Variants in HTR2C observed in about 807,000 individuals in gnomAD.
The protein encoded by HTR2C is 5-hydroxytryptamine (serotonin) receptor 2C, G protein-coupled.
HTR2C carries 5 observed loss-of-function variants against 21.0 expected under a neutral mutation model. The ratio of observed to expected loss-of-function variants is 0.24; its 90% CI spans 0.12 to 0.50. The LOEUF is 0.50. Among genes scored for constraint, HTR2C ranks in the 20% least tolerant of loss-of-function variants. HTR2C has a pLI of 0.98. For missense variants in HTR2C, 271 were observed against 371.2 expected, an observed-to-expected ratio of 0.73 and a Z score of 2.22; for synonymous variants, 150 against 145.3, an observed-to-expected ratio of 1.03 and a Z score of -0.23.
intron 5 of HTR2C, among the ~76,000 whole-genome samples, chrX:114,893,492 C>A (rs914370174): frequency 1.8e-5 from 2 of 111,160 alleles, no homozygotes; most frequent in Non-Finnish European, 3.8e-5. Flanking sequence ...GGCTTATGTA[C>A]AAATTGGTAT....
At chrX:114,765,487 G>A (rs1556434602) in intron 4 of HTR2C, among the ~76,000 whole-genome samples, 1 of 110,757 alleles carries the variant, frequency 9.0e-6, no homozygotes, top group African/African-American at 3.3e-5. Flanking sequence ...GGCCACAAAA[G>A]GCTAATATCC....
chrX:114,742,075 G>C (rs1298561562), intron 4 of HTR2C, among the ~76,000 whole-genome samples: 1 of 110,786 alleles, frequency 9.0e-6, no homozygotes, highest in African/African-American at 3.3e-5. Context: ...TTTGTCTCCT[G>C]GCTTTGTCTG....
At chrX:114,726,325 C>G (rs1234784816) in intron 2 of HTR2C, among the ~76,000 whole-genome samples, 3 of 112,703 alleles carry the variant, frequency 2.7e-5, no homozygotes, top group Non-Finnish European at 5.6e-5. Context: ...AGGGAACTCC[C>G]TGACCCCTTG....
chrX:114,807,167 C>CATGT (rs2070472951), intron 4 of HTR2C, among the ~76,000 whole-genome samples: 3 of 32,055 alleles, frequency 9.4e-5, no homozygotes, highest in African/African-American at 3.4e-4. Context: ...ATATATACCC[C>CATGT]ATATATACAC....
intron 2 of HTR2C, among the ~76,000 whole-genome samples, chrX:114,670,945 G>A (rs1015313076): frequency 6.3e-5 from 7 of 111,929 alleles, no homozygotes; most frequent in African/African-American, 1.6e-4. Context: ...AAGTTCATTC[G>A]TATTTAAGTT....
chrX:114,729,504 G>A lies in HTR2C; in HGVS notation c.36-1790G>A, dbSNP rs376663191. On this transcript the variant is annotated intron_variant, in intron 3 of 5. Coordinates refer to ENST00000276198, the MANE Select transcript of HTR2C (RefSeq NM_000868.4). ...TGACAGAGTAATCAAAGCTGAGAGC[G>A]AATAACTTGCTTCTGTTTATTTGGT... Among the ~76,000 whole-genome samples, 64 of 111,488 alleles carry A rather than the reference G, an allele frequency of 5.7e-4. 2 individuals are homozygous for A. The South Asian group carries it at 0.024, about 42-fold the overall frequency.
intron 2 of HTR2C, among the ~76,000 whole-genome samples, chrX:114,701,389 G>C (rs1401032680): frequency 1.8e-5 from 2 of 111,156 alleles, no homozygotes; most frequent in African/African-American, 6.5e-5. Context: ...TCAGACAGCA[G>C]CATTCACGGT....
In HTR2C at chrX:114,906,732, A is replaced by G; in HGVS notation, c.694A>G (p.Ile232Val). The G allele has an allele frequency of 8.3e-7, 1 of 1,211,271 alleles. No individual in the cohort carries two copies. Among genetic ancestry groups the G allele is most frequent in the South Asian group, 1.8e-5 (1 of 56,947 alleles). The change falls in exon 6 of 6, where the codon ATT becomes GTT. Residue 232 changes from isoleucine (I) to valine (V), a missense_variant. Ile to Val is a conservative substitution (Grantham distance 29). This residue lies in a region of HTR2C where 192 missense variants were observed against 247.2 expected (regional missense o/e 0.78). Coordinates refer to ENST00000276198, the MANE Select transcript of HTR2C (RefSeq NM_000868.4). ...AFFIPLTIMVITYCLTIYVLR... is the reference protein window; with the variant it reads ...AFFIPLTIMVVTYCLTIYVLR... The stretch of plus-strand genomic sequence containing the variant: ...CTTCATACCGCTGACGATTATGGTG[A>G]TTACGTATTGCCTGACCATCTACGT...
At chrX:114,603,092 G>C (rs1361688425) in intron 1 of HTR2C, among the ~76,000 whole-genome samples, 7 of 110,330 alleles carry the variant, frequency 6.3e-5, no homozygotes, top group African/African-American at 2.3e-4. Flanking sequence ...AAGGAAATTT[G>C]GGGAAATGGG....
intron 4 of HTR2C, among the ~76,000 whole-genome samples, chrX:114,742,101 A>T (rs926576649): frequency 3.6e-5 from 4 of 111,606 alleles, no homozygotes; most frequent in Non-Finnish European, 7.5e-5. Context: ...GACTCTAGTC[A>T]GAGAGCTTTG....
intron 2 of HTR2C, among the ~76,000 whole-genome samples, chrX:114,691,185 G>C (rs1932097915): frequency 9.0e-6 from 1 of 111,011 alleles, no homozygotes; most frequent in African/African-American, 3.3e-5. Context: ...TGGTTCCCTT[G>C]AGAATTTTTC....
At chrX:114,592,587 G>A (rs917171432) in intron 1 of HTR2C, among the ~76,000 whole-genome samples, 28 of 111,700 alleles carry the variant, frequency 2.5e-4, no homozygotes, top group African/African-American at 8.5e-4. Flanking sequence ...TATGATAATT[G>A]AAATAATGCT....
intron 2 of HTR2C, among the ~76,000 whole-genome samples, chrX:114,633,978 C>T (rs1929747088): frequency 1.2e-5 from 1 of 81,602 alleles, no homozygotes. Context: ...TAGGTAAATG[C>T]TATAAAATTT....
At chrX:114,858,919 C>T (rs2070985017) in intron 5 of HTR2C, among the ~76,000 whole-genome samples, 1 of 110,353 alleles carries the variant, frequency 9.1e-6, no homozygotes, top group South Asian at 3.8e-4. Context: ...TCTGAATCCA[C>T]TGAGATGATT....
intron 4 of HTR2C, among the ~76,000 whole-genome samples, chrX:114,744,679 C>G (rs1197487119): frequency 1.3e-4 from 14 of 110,580 alleles, no homozygotes; most frequent in African/African-American, 3.6e-4. Flanking sequence ...GTCTCGATCT[C>G]CTGACCTCGT....
In HTR2C at chrX:114,644,362, AATAT is replaced by A. The variant is rs782451317; in HGVS notation, c.-80+30524_-80+30527del. On this transcript the variant is annotated intron_variant, in intron 2 of 5. Transcript: ENST00000276198. The stretch of plus-strand genomic sequence containing the variant: ...TCCATCTAAAATAAATAAATAAATA[AATAT>A]ATATATATATATATATATATATATA... Among the ~76,000 whole-genome samples the A allele has an allele frequency of 6.9e-3, 262 of 38,160 alleles. 4 individuals are homozygous for A. Among genetic ancestry groups the A allele is most frequent in the African/African-American group, 9.9e-3 (77 of 7,740 alleles). 33.1% of individuals were successfully genotyped at this position (38,160 alleles called of 115,157 possible).
intron 4 of HTR2C, among the ~76,000 whole-genome samples, chrX:114,806,421 CTGTATATATAT>C (rs1556449698): frequency 0.046 from 2,406 of 52,403 alleles, 450 homozygotes; most frequent in African/African-American, 0.08. Flanking sequence ...TATATATATA[CTGTATATATAT>C]ACACCATATA....
intron 4 of HTR2C, among the ~76,000 whole-genome samples, chrX:114,738,298 G>A (rs1403855298): frequency 1.8e-5 from 2 of 111,691 alleles, no homozygotes; most frequent in African/African-American, 6.5e-5. Context: ...TCAAAAAAAT[G>A]TATGTTAGGT....
intron 2 of HTR2C, among the ~76,000 whole-genome samples, chrX:114,705,036 C>G: frequency 9.4e-6 from 1 of 106,080 alleles, no homozygotes; most frequent in African/African-American, 3.4e-5. Context: ...AACTACAAAC[C>G]ACTGCTCAAG....
Sources: gnomAD v4.1 joint callset for allele counts (sites outside exome capture counted in the v4.1 genomes callset) on GRCh38, gnomAD v4.1.1 for gene constraint, gnomAD v4.1.1 regional missense constraint, MANE v1.5 for transcripts, NCBI Gene and HGNC (gene_info 2026-07-23, HGNC 2026-07-21) for gene names.